Variants in WBP2NL observed in about 807,000 individuals in gnomAD.
The protein encoded by WBP2NL is postacrosomal sheath WW domain-binding protein.
Under a neutral mutation model 23.3 loss-of-function variants are expected in WBP2NL, and 27 were observed. The ratio of observed to expected loss-of-function variants is 1.16; its 90% CI spans 0.85 to 1.60. The LOEUF is 1.60. Among genes scored for constraint, WBP2NL ranks in the 40% most tolerant of loss-of-function variants. The pLI is 0.00. For synonymous variants in WBP2NL, 151 were observed against 145.9 expected (o/e 1.03, Z -0.25); for missense variants, 370 against 389.5 (o/e 0.95, Z 0.42).
intron 1 of WBP2NL, among the ~76,000 whole-genome samples, chr22:42,000,772 CAA>C (rs56318914): frequency 1.5e-5 from 2 of 133,264 alleles, no homozygotes; most frequent in Non-Finnish European, 3.2e-5. Flanking sequence ...ACTAAAAATA[CAA>C]AAAAAAAAAA....
At chr22:42,051,085 C>T (rs942689930) in intron 8 of WBP2NL, among the ~76,000 whole-genome samples, 2 of 152,192 alleles carry the variant, frequency 1.3e-5, no homozygotes, top group Non-Finnish European at 2.9e-5. Context: ...CTGGAAGCAA[C>T]AAAGATGTCC....
intron 1 of WBP2NL, among the ~76,000 whole-genome samples, chr22:41,999,447 C>T (rs1375179860): frequency 1.3e-5 from 2 of 152,166 alleles, no homozygotes; most frequent in African/African-American, 4.8e-5. Flanking sequence ...CATGTTTCCT[C>T]CTTGCTCCAA....
chr22:42,042,748 G>A (rs891198646), intron 8 of WBP2NL, among the ~76,000 whole-genome samples: 3 of 152,110 alleles, frequency 2.0e-5, no homozygotes, highest in Non-Finnish European at 4.4e-5. Context: ...CCTTGCATAG[G>A]TGTTTGCACA....
In WBP2NL at chr22:42,057,553, T is replaced by C. The variant is rs1002096008; in HGVS notation, c.*274-737T>C. Among the ~76,000 whole-genome samples the C allele has an allele frequency of 1.5e-4, 9 of 60,258 alleles. 1 individual carries two copies. In the Admixed American group the frequency reaches 2.4e-3, roughly 16 times the overall value. The allele number at this position is 60,258 out of a possible 152,430, so 39.5% of individuals were successfully genotyped here. ...TTGCTGTTTCTACTAGAATTCAACT[T>C]TTTTTTTTTTCAGTTGAAGTTTTCT... On this transcript the variant is annotated intron_variant and NMD_transcript_variant, in intron 8 of 8. Coordinates refer to the WBP2NL transcript ENST00000436265.
intron 1 of WBP2NL, among the ~76,000 whole-genome samples, chr22:42,009,567 T>A (rs970030900): frequency 2.0e-5 from 3 of 152,228 alleles, no homozygotes; most frequent in African/African-American, 4.8e-5. Flanking sequence ...ATTTGTTAAA[T>A]AGATTGTCTT....
intron 1 of WBP2NL, among the ~76,000 whole-genome samples, chr22:42,018,773 G>T (rs1923584258): frequency 6.6e-6 from 1 of 152,116 alleles, no homozygotes; most frequent in Admixed American, 6.5e-5. Flanking sequence ...ACAAGAAAAA[G>T]AATCCAATGA....
chr22:42,038,029 G>C (rs1181408864), intron 8 of WBP2NL, among the ~76,000 whole-genome samples: 18 of 152,166 alleles, frequency 1.2e-4, no homozygotes, highest in Admixed American at 1.2e-3. Context: ...AGTGATAAGA[G>C]TGAGCATCCT....
chr22:42,012,789 G>A (rs761472997), intron 1 of WBP2NL, among the ~76,000 whole-genome samples: 6 of 151,430 alleles, frequency 4.0e-5, no homozygotes, highest in Non-Finnish European at 5.9e-5. Flanking sequence ...TCAGAAGATG[G>A]AGACCATTCT....
intron 8 of WBP2NL, among the ~76,000 whole-genome samples, chr22:42,052,414 G>T (rs1925868504): frequency 6.6e-6 from 1 of 152,086 alleles, no homozygotes; most frequent in South Asian, 2.1e-4. Context: ...GAGTAGGTGG[G>T]ACTACAGGTG....
intron 8 of WBP2NL, among the ~76,000 whole-genome samples, chr22:42,049,107 T>A (rs1392561098): frequency 6.6e-6 from 1 of 152,210 alleles, no homozygotes; most frequent in Non-Finnish European, 1.5e-5. Flanking sequence ...CCTTTAAGAC[T>A]TGCTGTAAAG....
chr22:42,000,297 G>A (rs1402858913), intron 1 of WBP2NL, among the ~76,000 whole-genome samples: 5 of 152,042 alleles, frequency 3.3e-5, no homozygotes, highest in Admixed American at 2.6e-4. Flanking sequence ...TGCTTCCTAC[G>A]TACCTCTGCT....
At chr22:42,023,068 A>T (rs1283336756) in intron 5 of WBP2NL, among the ~76,000 whole-genome samples, 1 of 152,244 alleles carries the variant, frequency 6.6e-6, no homozygotes, top group African/African-American at 2.4e-5. Context: ...TGAAATTCAC[A>T]TAACATATAA....
At chr22:42,011,542 C>A (rs1922819255) in intron 1 of WBP2NL, among the ~76,000 whole-genome samples, 1 of 152,014 alleles carries the variant, frequency 6.6e-6, no homozygotes, top group Non-Finnish European at 1.5e-5. Flanking sequence ...CATGAGCCAC[C>A]ACACCTAGCT....
intron 1 of WBP2NL, among the ~76,000 whole-genome samples, chr22:42,013,860 A>G (rs1463315236): frequency 1.3e-5 from 2 of 151,682 alleles, no homozygotes; most frequent in Non-Finnish European, 2.9e-5. Flanking sequence ...AGTTCACTGT[A>G]ACCTCTGCCT....
downstream of WBP2NL, among the ~76,000 whole-genome samples, chr22:42,033,855 C>G (rs1442808298): frequency 6.6e-6 from 1 of 152,196 alleles, no homozygotes; most frequent in African/African-American, 2.4e-5. Flanking sequence ...TCGATTGGTC[C>G]ATATGTGGCC....
At chr22:42,014,314 C>T (rs922577797) in intron 1 of WBP2NL, among the ~76,000 whole-genome samples, 1 of 152,156 alleles carries the variant, frequency 6.6e-6, no homozygotes, top group Non-Finnish European at 1.5e-5. Context: ...CAGCCTTGAC[C>T]TCCCAGGCTG....
At chr22:42,023,389 C>G (rs896003319) in intron 5 of WBP2NL, among the ~76,000 whole-genome samples, 2 of 151,712 alleles carry the variant, frequency 1.3e-5, no homozygotes, top group African/African-American at 4.8e-5. Context: ...AGACAGAAAT[C>G]TCCCTATGTT....
rs111465808 is a variant in WBP2NL at position 42,009,279 on chromosome 22, G to A, written c.63-10032G>A. Among the ~76,000 whole-genome samples the A allele has an allele frequency of 2.8e-3, 421 of 152,270 alleles. 2 individuals are homozygous for A. Among genetic ancestry groups the A allele is most frequent in the Middle Eastern group, 0.01 (3 of 294 alleles). On this transcript the variant is annotated intron_variant, in intron 1 of 5. Coordinates refer to ENST00000328823, the MANE Select transcript of WBP2NL (RefSeq NM_152613.3). ...ATTCCATAGGTTGCTGTTTCATTCT[G>A]GTGATTGTGTCCTTTGATACACAAT...
chr22:42,043,227 C>A (rs1272957097), intron 8 of WBP2NL, among the ~76,000 whole-genome samples: 1 of 151,974 alleles, frequency 6.6e-6, no homozygotes, highest in Non-Finnish European at 1.5e-5. Flanking sequence ...TTTATTGGCT[C>A]AGGGAGCTGG....
Sources: allele counts gnomAD v4.1 joint callset (sites outside exome capture counted in the v4.1 genomes callset), GRCh38; gene constraint gnomAD v4.1.1; transcripts MANE v1.5; gene names NCBI Gene and HGNC (gene_info 2026-07-23, HGNC 2026-07-21).